The following ART3 variants were observed in gnomAD, a reference collection of about 807,000 sequenced individuals.
The protein encoded by ART3 is ADP-ribosyltransferase 3 (inactive).
In ART3, 49 loss-of-function variants were observed where a neutral mutation model predicts 48.5. The ratio of observed to expected loss-of-function variants is 1.01; its 90% CI spans 0.80 to 1.28. The LOEUF is 1.28. ART3 is among the 50% of genes most tolerant of loss of function. The pLI is 0.00. For synonymous variants in ART3, 145 were observed against 157.2 expected (o/e 0.92, Z 0.58); for missense variants, 438 against 454.3 (o/e 0.96, Z 0.33).
Position 76,112,638 on chromosome 4 carries a change from A to G in ART3, c.*119A>G, listed in dbSNP as rs1729702895. 7.4e-6 allele frequency: 9 copies of G among 1,208,540 alleles called. No individual in the cohort carries two copies. The highest frequency in any genetic ancestry group is 1.0e-5 in the Non-Finnish European group (9 of 895,656). The allele number at this position is 1,208,540 out of a possible 1,614,324, so 74.9% of individuals were successfully genotyped here. A position where few individuals can be genotyped will look rare whatever the true frequency, so the allele number is the denominator to read the frequency against. ...GCCAAAGTCACTGGATAAAATGAGA[A>G]TTGTATATTTGTTATTCATTTTGCA... On this transcript the variant is annotated 3_prime_UTR_variant, in exon 12 of 12. Coordinates refer to ENST00000355810, the MANE Select transcript of ART3 (RefSeq NM_001130016.3).
intron 1 of ART3, among the ~76,000 whole-genome samples, chr4:76,054,947 T>G (rs1207181041): frequency 6.6e-6 from 1 of 152,260 alleles, no homozygotes; most frequent in Non-Finnish European, 1.5e-5. Context: ...TTTCTTGTTT[T>G]CTTTCTTTTT....
intron 8 of ART3, 75 bp from the exon 9 acceptor site, chr4:76,103,862 A>C: frequency 7.6e-7 from 1 of 1,324,450 alleles, no homozygotes; most frequent in Non-Finnish European, 1.0e-6. Context: ...AAATGGAGGA[A>C]ATATAGACAA....
At chr4:76,024,134 A>T (rs1733146161) in intron 1 of ART3, among the ~76,000 whole-genome samples, 1 of 152,212 alleles carries the variant, frequency 6.6e-6, no homozygotes, top group Admixed American at 6.5e-5. Context: ...TCATTTGGGT[A>T]TCTGATTTGT....
At chr4:76,025,565 A>T (rs9884374) in intron 1 of ART3, among the ~76,000 whole-genome samples, 93,007 of 152,034 alleles carry the variant, frequency 0.61, 29,524 homozygotes, top group East Asian at 0.94. Flanking sequence ...TTATAATAAC[A>T]TCTACCTCTG....
chr4:76,027,642 C>A lies in ART3; in HGVS notation c.-10+16322C>A, dbSNP rs1356859905. Reference sequence around the variant, plus strand: ...GGTAAGCATATTCTCAGAGAGTTAACTCTGCTAACCAAATCTCAGATAGAC... The same window carrying A: ...GGTAAGCATATTCTCAGAGAGTTAAATCTGCTAACCAAATCTCAGATAGAC... On this transcript the variant is annotated intron_variant, in intron 1 of 9. Coordinates refer to the ART3 transcript ENST00000341029. 2.7e-5 allele frequency among the ~76,000 whole-genome samples: 2 copies of A among 74,438 alleles called. 1 individual carries two copies. Among genetic ancestry groups the A allele is most frequent in the African/African-American group, 1.4e-4 (2 of 14,806 alleles). The allele number at this position is 74,438 out of a possible 152,430, so 48.8% of individuals were successfully genotyped here. A position where few individuals can be genotyped will look rare whatever the true frequency, so the allele number is the denominator to read the frequency against.
At chr4:76,024,944 A>G (rs4508917) in intron 1 of ART3, among the ~76,000 whole-genome samples, 44,631 of 152,018 alleles carry the variant, frequency 0.29, 6,862 homozygotes, top group East Asian at 0.5. Context: ...AAATGTAGGA[A>G]CTCCATCATT....
At chr4:76,093,812 A>G (rs1199450666) in intron 3 of ART3, among the ~76,000 whole-genome samples, 3 of 152,140 alleles carry the variant, frequency 2.0e-5, no homozygotes, top group Non-Finnish European at 4.4e-5. Flanking sequence ...TAGAAATTCA[A>G]TTTGGGTCTT....
At chr4:76,027,139 G>C (rs1486601692) in intron 1 of ART3, among the ~76,000 whole-genome samples, 2 of 152,118 alleles carry the variant, frequency 1.3e-5, no homozygotes, top group African/African-American at 4.8e-5. Context: ...TGTAATCCCA[G>C]CTACACAGGA....
chr4:76,017,000 G>A (rs114344562), intron 1 of ART3, among the ~76,000 whole-genome samples: 1,779 of 152,158 alleles, frequency 0.012, 31 homozygotes, highest in African/African-American at 0.04. Flanking sequence ...GCCAGGGCAG[G>A]TCCAGAAATG....
At chr4:76,030,568 A>G (rs889205085) in intron 1 of ART3, among the ~76,000 whole-genome samples, 1 of 152,232 alleles carries the variant, frequency 6.6e-6, no homozygotes. Flanking sequence ...CTGTGAAGCC[A>G]TCACCATAAT....
chr4:76,110,557 G>GA (rs1289930093), intron 11 of ART3, among the ~76,000 whole-genome samples: 1 of 143,428 alleles, frequency 7.0e-6, no homozygotes, highest in African/African-American at 2.6e-5. Flanking sequence ...TGTATATACA[G>GA]AAAATGGAAA....
At chr4:76,083,665 T>G (rs373458277) in intron 3 of ART3, among the ~76,000 whole-genome samples, 8 of 152,178 alleles carry the variant, frequency 5.3e-5, no homozygotes, top group African/African-American at 1.9e-4. Context: ...AAAAAGAAAG[T>G]AAAGGGGATG....
chr4:76,041,628 A>T (rs1255981510), intron 1 of ART3, among the ~76,000 whole-genome samples: 6 of 148,402 alleles, frequency 4.0e-5, no homozygotes, highest in Non-Finnish European at 6.0e-5. Context: ...TATTATTTCA[A>T]TGTGTAATCA....
intron 1 of ART3, among the ~76,000 whole-genome samples, chr4:76,067,371 C>T (rs1454876578): frequency 1.3e-5 from 2 of 152,152 alleles, no homozygotes; most frequent in African/African-American, 2.4e-5. Flanking sequence ...GGAGGCCCAC[C>T]GAACAGGGTG....
intron 3 of ART3, among the ~76,000 whole-genome samples, chr4:76,093,550 C>T (rs757022038): frequency 1.3e-5 from 2 of 152,168 alleles, no homozygotes; most frequent in Non-Finnish European, 2.9e-5. Flanking sequence ...ATTGAGCTCA[C>T]CTGGAAAATC....
chr4:76,040,881 T>C (rs890435010), intron 1 of ART3, among the ~76,000 whole-genome samples: 5 of 152,188 alleles, frequency 3.3e-5, no homozygotes, highest in African/African-American at 1.2e-4. Flanking sequence ...TAAGCCTAAT[T>C]AGGCTTTAGC....
chr4:76,104,667 A>G, intron 10 of ART3, 38 bp downstream of exon 10: 4 of 1,550,438 alleles, frequency 2.6e-6, no homozygotes, highest in Non-Finnish European at 3.5e-6. Context: ...GGAACATGCC[A>G]GTTTGGGGAG....
chr4:76,072,088 T>A (rs542539625), upstream of ART3, among the ~76,000 whole-genome samples: 5 of 152,288 alleles, frequency 3.3e-5, 1 homozygote, highest in South Asian at 1.0e-3. Context: ...GGCTAATTTT[T>A]AAAATTTTTT....
At chr4:76,081,374 G>A (rs963528533) in intron 2 of ART3, among the ~76,000 whole-genome samples, 2 of 152,216 alleles carry the variant, frequency 1.3e-5, no homozygotes, top group African/African-American at 2.4e-5. Context: ...AAGGGAGGGG[G>A]CAACCCCAAA....
Sources: gnomAD v4.1 joint callset for allele counts (sites outside exome capture counted in the v4.1 genomes callset) on GRCh38, gnomAD v4.1.1 for gene constraint, MANE v1.5 for transcripts, NCBI Gene and HGNC (gene_info 2026-07-23, HGNC 2026-07-21) for gene names.